RPS6KC1: variants seen among roughly 807,000 people sequenced by gnomAD.
RPS6KC1 encodes the protein inactive ribosomal protein S6 kinase delta-1.
Under a neutral mutation model 103.8 loss-of-function variants are expected in RPS6KC1, and 54 were observed. The ratio of observed to expected loss-of-function variants is 0.52; its 90% CI spans 0.42 to 0.65. The LOEUF (loss-of-function observed/expected upper bound fraction) is 0.65, where lower values mean the gene tolerates loss of function less well. RPS6KC1 is among the 30% of genes least tolerant of loss of function. The pLI, the probability that RPS6KC1 is intolerant of heterozygous loss-of-function variation, is 0.00. For missense variants in RPS6KC1, 1,151 were observed against 1,253.8 expected, an observed-to-expected ratio of 0.92 and a Z score of 1.24; for synonymous variants, 439 against 438.7, an observed-to-expected ratio of 1.00 and a Z score of -0.01.
chr1:213,120,402 G>T (rs2084248601), intron 5 of RPS6KC1, among the ~76,000 whole-genome samples: 1 of 152,180 alleles, frequency 6.6e-6, no homozygotes, highest in Non-Finnish European at 1.5e-5. Context: ...TGTTATTTGA[G>T]AGGGAAAATG....
the RPS6KC1 span, among the ~76,000 whole-genome samples, chr1:213,334,046 T>C: frequency 1.3e-5 from 2 of 152,132 alleles, no homozygotes. Flanking sequence ...ATGGGATTGG[T>C]ACTACCTGGG....
At chr1:213,272,485 G>A in intron 14 of RPS6KC1, 39 bp from the exon 15 acceptor site, 2 of 1,482,896 alleles carry the variant, frequency 1.3e-6, no homozygotes, top group Non-Finnish European at 1.9e-6. Context: ...TGATTTGCCA[G>A]TTGGATTCCT....
At chr1:213,832,158 C>T in the RPS6KC1 span, among the ~76,000 whole-genome samples, 1 of 152,192 alleles carries the variant, frequency 6.6e-6, no homozygotes, top group African/African-American at 2.4e-5. Flanking sequence ...GTAGCTATAA[C>T]ATTATAGTGA....
chr1:213,180,078 G>T (rs1267789873), intron 8 of RPS6KC1, among the ~76,000 whole-genome samples: 4 of 151,688 alleles, frequency 2.6e-5, no homozygotes. Context: ...TCTTCAATTG[G>T]GATTATAAAA....
the RPS6KC1 span, among the ~76,000 whole-genome samples, chr1:213,807,015 A>G: frequency 2.6e-5 from 4 of 151,974 alleles, no homozygotes; most frequent in East Asian, 1.9e-4. Flanking sequence ...TCTGTAAAGG[A>G]TTTTATTTCT....
Position 213,129,739 on chromosome 1 carries a change from A to AC in RPS6KC1, c.685_686insC (p.Ser229ThrfsTer32). 1 of 1,614,136 alleles carries AC rather than the reference A, an allele frequency of 6.2e-7. No homozygotes were observed. The highest frequency in any genetic ancestry group is 1.1e-5 in the South Asian group (1 of 91,084). ...GGAAAGTCGTAGCCTCTTTCCTGGC[A>AC]GTTTAAAGCCGAAGCTTGGCAAGAG... On this transcript the variant is annotated frameshift_variant, in exon 6 of 15. Coordinates refer to ENST00000366960, the MANE Select transcript of RPS6KC1 (RefSeq NM_012424.6). LOFTEE classifies it high-confidence loss of function.
chr1:213,260,378 A>C (rs1197602099), intron 12 of RPS6KC1, among the ~76,000 whole-genome samples: 1 of 152,134 alleles, frequency 6.6e-6, no homozygotes, highest in Non-Finnish European at 1.5e-5. Context: ...GGGATGTAGA[A>C]AAAGGTTGCT....
chr1:213,343,209 A>G, the RPS6KC1 span, among the ~76,000 whole-genome samples: 9 of 151,682 alleles, frequency 5.9e-5, 1 homozygote, highest in Admixed American at 2.0e-4. Context: ...AAAACTCCCT[A>G]TTTTATAGAG....
intron 14 of RPS6KC1, among the ~76,000 whole-genome samples, chr1:213,263,643 A>T (rs1573697611): frequency 1.3e-5 from 2 of 152,322 alleles, no homozygotes; most frequent in Admixed American, 1.3e-4. Context: ...AAATTAAAAG[A>T]GGGCAGGGGA....
chr1:213,667,246 C>G, the RPS6KC1 span, among the ~76,000 whole-genome samples: 2 of 152,106 alleles, frequency 1.3e-5, no homozygotes, highest in Non-Finnish European at 2.9e-5. Context: ...AGTATAAATT[C>G]TTCTAATTTT....
chr1:213,614,229 G>A, the RPS6KC1 span, among the ~76,000 whole-genome samples: 1 of 152,160 alleles, frequency 6.6e-6, no homozygotes, highest in Non-Finnish European at 1.5e-5. Context: ...CTAGTCCTTG[G>A]GATCCCCATT....
the RPS6KC1 span, among the ~76,000 whole-genome samples, chr1:213,774,127 C>T: frequency 5.9e-5 from 9 of 152,324 alleles, no homozygotes; most frequent in South Asian, 1.9e-3. Flanking sequence ...GTTTATCCTG[C>T]CCTGTTTGGG....
At chr1:213,704,148 G>A in the RPS6KC1 span, among the ~76,000 whole-genome samples, 1 of 151,962 alleles carries the variant, frequency 6.6e-6, no homozygotes, top group South Asian at 2.1e-4. Flanking sequence ...AGCACTTTGG[G>A]AGGCCGAGGC....
At chr1:213,798,985 C>G in the RPS6KC1 span, among the ~76,000 whole-genome samples, 1 of 152,152 alleles carries the variant, frequency 6.6e-6, no homozygotes, top group Non-Finnish European at 1.5e-5. Context: ...TGGTCCCTCC[C>G]AATTCTAATC....
intron 8 of RPS6KC1, among the ~76,000 whole-genome samples, chr1:213,211,385 G>A (rs1037424664): frequency 1.3e-5 from 2 of 152,188 alleles, no homozygotes; most frequent in African/African-American, 4.8e-5. Context: ...AATGACAAAG[G>A]TGTGGAGAGA....
the RPS6KC1 span, among the ~76,000 whole-genome samples, chr1:213,313,692 C>T: frequency 4.6e-5 from 7 of 152,154 alleles, no homozygotes; most frequent in Admixed American, 2.6e-4. Context: ...TGGCCAGTTG[C>T]GGTGGCTCAC....
chr1:213,383,684 T>C, the RPS6KC1 span, among the ~76,000 whole-genome samples: 1 of 151,964 alleles, frequency 6.6e-6, no homozygotes, highest in East Asian at 1.9e-4. Context: ...GGGGCCCTGA[T>C]CTGATGGTAT....
chr1:213,481,228 T>C, the RPS6KC1 span, among the ~76,000 whole-genome samples: 1 of 152,236 alleles, frequency 6.6e-6, no homozygotes, highest in South Asian at 2.1e-4. Context: ...CTAGTTTATG[T>C]GATGTCAGTT....
chr1:213,363,678 CTTTCTT>C, the RPS6KC1 span, among the ~76,000 whole-genome samples: 1 of 104,574 alleles, frequency 9.6e-6, no homozygotes, highest in South Asian at 2.8e-4. Flanking sequence ...TTCTTTCTTT[CTTTCTT>C]TCTTTCTTTC....
Sources: gnomAD v4.1 joint callset for allele counts (sites outside exome capture counted in the v4.1 genomes callset) on GRCh38, gnomAD v4.1.1 for gene constraint, MANE v1.5 for transcripts, NCBI Gene and HGNC (gene_info 2026-07-23, HGNC 2026-07-21) for gene names.